CRACD: variants seen among roughly 807,000 people sequenced by gnomAD.
CRACD encodes capping protein-inhibiting regulator of actin dynamics.
A neutral mutation model predicts 106.8 loss-of-function variants in CRACD; 56 were observed. That is an observed-to-expected ratio of 0.52 (90% CI 0.42 to 0.66). The LOEUF (loss-of-function observed/expected upper bound fraction) is 0.66, where lower values mean the gene tolerates loss of function less well. Among genes scored for constraint, CRACD ranks in the 30% least tolerant of loss-of-function variants. The pLI, the probability that CRACD is intolerant of heterozygous loss-of-function variation, is 0.00. For missense variants in CRACD, 1,730 were observed against 1,623.2 expected (o/e 1.07, Z -1.13); for synonymous variants, 754 against 670.8 (o/e 1.12, Z -1.92).
intron 1 of CRACD, among the ~76,000 whole-genome samples, chr4:56,161,984 G>A (rs1735975857): frequency 1.3e-5 from 2 of 151,888 alleles, no homozygotes; most frequent in South Asian, 4.2e-4. Flanking sequence ...GGCTGGTCAC[G>A]AACTCCTGAC....
intron 1 of CRACD, among the ~76,000 whole-genome samples, chr4:56,142,292 A>G (rs979254725): frequency 6.6e-6 from 1 of 152,172 alleles, no homozygotes; most frequent in Non-Finnish European, 1.5e-5. Flanking sequence ...ATAGTATTTC[A>G]TGGTTATGCC....
chr4:56,148,888 T>C (rs1219582085), intron 1 of CRACD, among the ~76,000 whole-genome samples: 1 of 151,892 alleles, frequency 6.6e-6, no homozygotes, highest in East Asian at 1.9e-4. Flanking sequence ...TGATCTCGGC[T>C]CGCTGCAACT....
intron 1 of CRACD, among the ~76,000 whole-genome samples, chr4:56,118,487 A>G (rs1734374463): frequency 6.6e-6 from 1 of 152,230 alleles, no homozygotes; most frequent in Non-Finnish European, 1.5e-5. Context: ...CACAAACTAC[A>G]GGAGCTTTGA....
In CRACD at chr4:56,316,260, T is replaced by C. The variant is rs754840601; in HGVS notation, c.2758T>C (p.Ser920Pro). 7.4e-6 allele frequency: 12 copies of C among 1,613,714 alleles called. No homozygotes were observed. The highest frequency in any genetic ancestry group is 1.0e-5 in the Non-Finnish European group (12 of 1,179,784). Residue 920 changes from serine to proline, a missense_variant, in exon 8 of 11, where the codon TCC becomes CCC. Physicochemically the swap from Ser to Pro is moderately conservative, Grantham distance 74. This residue lies in a region of CRACD where 1,620 missense variants were observed against 1,481.6 expected (regional missense o/e 1.09). Transcript: ENST00000682029. ...GCAAGCCCCTTCCACCCGGAGGGAC[T>C]CCGCTGAACCTTCCAGCAGCCGCTC... ...RKQAPSTRRD[S>P]AEPSSSRSVP...
At chr4:56,292,853 G>A (rs1743780782) in intron 3 of CRACD, among the ~76,000 whole-genome samples, 1 of 152,086 alleles carries the variant, frequency 6.6e-6, no homozygotes, top group South Asian at 2.1e-4. Flanking sequence ...CATGATGTGT[G>A]AAGTCTAATT....
chr4:56,117,188 T>A lies in CRACD; in HGVS notation c.-335-62096T>A, dbSNP rs1035510078. Among the ~76,000 whole-genome samples the A allele has an allele frequency of 7.2e-5, 11 of 151,772 alleles. No individual in the cohort carries two copies. In the South Asian group the frequency reaches 2.3e-3, roughly 32 times the overall value. On this transcript the variant is annotated intron_variant, in intron 1 of 10. Coordinates refer to ENST00000682029, the MANE Select transcript of CRACD (RefSeq NM_001393381.1). ...GGTGCCCGCCACCACGCCTGGCTAA[T>A]TTTTTTGTATTTTTAGTAGAGACGG...
chr4:56,074,504 T>C (rs1732766340), intron 1 of CRACD, among the ~76,000 whole-genome samples: 1 of 152,216 alleles, frequency 6.6e-6, no homozygotes. Context: ...TATTGGTGTA[T>C]AGGAATGCTT....
At chr4:56,185,909 A>T (rs1026198706) in intron 2 of CRACD, among the ~76,000 whole-genome samples, 2 of 152,226 alleles carry the variant, frequency 1.3e-5, no homozygotes, top group Non-Finnish European at 2.9e-5. Context: ...GTCTCTCCCA[A>T]GGGAGTTAAA....
At position 56,134,769 on chromosome 4, in the gene CRACD, A is replaced by T. The variant is rs560859920; in HGVS notation, c.-335-44515A>T. ...ATAGTAGGTAAGAAAATTAACAATTATAATGAGAAATTGTGTGGTACAAAC... is the reference window on the plus strand; with the variant it reads ...ATAGTAGGTAAGAAAATTAACAATTTTAATGAGAAATTGTGTGGTACAAAC... On this transcript the variant is annotated intron_variant, in intron 1 of 10. Transcript: ENST00000682029. Among the ~76,000 whole-genome samples the T allele has an allele frequency of 2.4e-4, 36 of 152,334 alleles. No individual in the cohort carries two copies. In the South Asian group the frequency reaches 7.1e-3, roughly 30 times the overall value.
At position 56,182,444 on chromosome 4, in the gene CRACD, A is replaced by AAAC. The variant is rs200312933; in HGVS notation, c.-189+3015_-189+3016insACA. Among the ~76,000 whole-genome samples the AAAC allele has an allele frequency of 5.2e-3, 784 of 151,754 alleles. 7 individuals carry two copies. The highest frequency in any genetic ancestry group is 0.018 in the African/African-American group (743 of 41,270). ...CAACAACAAAGAAACAAAAAAAAAA[A>AAAC]ACCAGCCAGGTCTAGGCCAGGCATG... On this transcript the variant is annotated intron_variant, in intron 2 of 10. Coordinates refer to ENST00000682029, the MANE Select transcript of CRACD (RefSeq NM_001393381.1).
chr4:56,327,947 G>C lies in CRACD; in HGVS notation c.*143G>C, dbSNP rs1746567780. ...GGCTCCAAAATAATGTTTAGAAACT[G>C]AACTGGTGGTGTTCATTGTAAAGAG... is the stretch of plus-strand genomic sequence containing the variant. On this transcript the variant is annotated 3_prime_UTR_variant, in exon 11 of 11. Transcript: ENST00000682029. 7.0e-6 allele frequency: 5 copies of C among 717,752 alleles called. No individual in the cohort carries two copies. The highest frequency in any genetic ancestry group is 2.2e-6 in the Non-Finnish European group (1 of 452,956). 44.5% of individuals were successfully genotyped at this position (717,752 alleles called of 1,614,324 possible). A position where few individuals can be genotyped will look rare whatever the true frequency, so the allele number is the denominator to read the frequency against.
At chr4:56,079,450 CTTTTT>C (rs112556427) in intron 1 of CRACD, among the ~76,000 whole-genome samples, 1 of 142,446 alleles carries the variant, frequency 7.0e-6, no homozygotes. Context: ...TTCTTCTTTT[CTTTTT>C]TTTTTTTTGA....
intron 2 of CRACD, among the ~76,000 whole-genome samples, chr4:56,194,564 G>A (rs1577728834): frequency 6.6e-6 from 1 of 152,152 alleles, no homozygotes; most frequent in East Asian, 1.9e-4. Flanking sequence ...GCCTTTGGGG[G>A]GTGATTAGGC....
At chr4:56,073,001 A>G (rs1428408051) in intron 1 of CRACD, among the ~76,000 whole-genome samples, 2 of 152,118 alleles carry the variant, frequency 1.3e-5, no homozygotes, top group Non-Finnish European at 1.5e-5. Flanking sequence ...TATCCAGTCT[A>G]TCATTGATGG....
intron 1 of CRACD, among the ~76,000 whole-genome samples, chr4:56,167,139 A>G (rs1736184047): frequency 6.6e-6 from 1 of 152,208 alleles, no homozygotes; most frequent in African/African-American, 2.4e-5. Context: ...AGAAAAGGAA[A>G]TTTTAAGTTT....
At chr4:56,148,442 C>T (rs1012842317) in intron 1 of CRACD, among the ~76,000 whole-genome samples, 8 of 152,090 alleles carry the variant, frequency 5.3e-5, no homozygotes, top group Non-Finnish European at 1.0e-4. Context: ...AGGTGTGTAT[C>T]GCCATGCCTG....
At chr4:56,241,308 A>G (rs947181175) in intron 2 of CRACD, among the ~76,000 whole-genome samples, 3 of 152,118 alleles carry the variant, frequency 2.0e-5, no homozygotes, top group Admixed American at 6.5e-5. Context: ...TTATCTGACC[A>G]TCAATCAGTG....
intron 1 of CRACD, among the ~76,000 whole-genome samples, chr4:56,083,165 G>T (rs1733094583): frequency 6.6e-6 from 1 of 152,176 alleles, no homozygotes; most frequent in Non-Finnish European, 1.5e-5. Flanking sequence ...ACAAGACACA[G>T]ACCAAAAGCA....
intron 1 of CRACD, among the ~76,000 whole-genome samples, chr4:56,137,325 C>T (rs750567202): frequency 1.3e-5 from 2 of 151,932 alleles, no homozygotes; most frequent in Non-Finnish European, 2.9e-5. Context: ...TCTTATGGGA[C>T]CACCATCGTA....
Sources: allele counts gnomAD v4.1 joint callset (sites outside exome capture counted in the v4.1 genomes callset), GRCh38; gene constraint gnomAD v4.1.1; regional missense constraint gnomAD v4.1.1; transcripts MANE v1.5; gene names NCBI Gene and HGNC (gene_info 2026-07-23, HGNC 2026-07-21).